Variants in NBEA observed in about 807,000 individuals in gnomAD.
The protein encoded by NBEA is neurobeachin.
A neutral mutation model predicts 343.4 loss-of-function variants in NBEA; 44 were observed. That is an observed-to-expected ratio of 0.13 (90% CI 0.10 to 0.16). NBEA has a LOEUF of 0.16. Among genes scored for constraint, NBEA ranks in the 10% least tolerant of loss-of-function variants. NBEA has a pLI of 1.00. For synonymous variants in NBEA, 1,175 were observed against 1,238.7 expected (o/e 0.95, Z 1.08); for missense variants, 2,555 against 3,631.3 (o/e 0.70, Z 7.62).
At chr13:35,277,285 C>T (rs201762605) in intron 34 of NBEA, among the ~76,000 whole-genome samples, 5 of 152,032 alleles carry the variant, frequency 3.3e-5, no homozygotes, top group African/African-American at 1.2e-4. Flanking sequence ...GAAGTAAAGA[C>T]ATCAGAGAGC....
intron 38 of NBEA, among the ~76,000 whole-genome samples, chr13:35,429,800 C>CGTGTGTGTGTGTGTGT (rs60362511): frequency 3.0e-3 from 418 of 140,260 alleles, no homozygotes; most frequent in Non-Finnish European, 3.9e-3. Context: ...GAGTCCCCAA[C>CGTGTGTGTGTGTGTGT]GTGTGTGTGT....
chr13:35,242,506 TA>T, intron 34 of NBEA, among the ~76,000 whole-genome samples: 1 of 151,960 alleles, frequency 6.6e-6, no homozygotes, highest in East Asian at 1.9e-4. Flanking sequence ...GAATAATGGC[TA>T]AAAAACTTCT....
chr13:35,115,237 A>G (rs888718075), intron 13 of NBEA, among the ~76,000 whole-genome samples: 1 of 152,124 alleles, frequency 6.6e-6, no homozygotes, highest in Non-Finnish European at 1.5e-5. Flanking sequence ...GAGCTTACTC[A>G]TGCATACATA....
intron 34 of NBEA, among the ~76,000 whole-genome samples, chr13:35,279,719 T>C (rs1274360890): frequency 6.6e-6 from 1 of 152,188 alleles, no homozygotes; most frequent in Non-Finnish European, 1.5e-5. Flanking sequence ...CATGTCAACT[T>C]TGACCATCAG....
intron 38 of NBEA, among the ~76,000 whole-genome samples, chr13:35,361,807 A>G (rs1247436960): frequency 1.3e-5 from 2 of 152,066 alleles, no homozygotes; most frequent in Non-Finnish European, 2.9e-5. Context: ...AAATATTGTA[A>G]TTAAGAAAAG....
rs2070629305 is a variant in NBEA, at chr13:35,173,450, G to A, written c.4424-14G>A. ...CAATTTATATTAACAATATGTTTTT[G>A]AATTTTTAAATAGTTTGTTGTGTTG... On this transcript the variant is annotated splice_polypyrimidine_tract_variant and intron_variant, in intron 26 of 58. Transcript: ENST00000379939. 6 of 1,568,064 alleles carry A rather than the reference G, an allele frequency of 3.8e-6. No homozygotes were observed. In the South Asian group the frequency reaches 7.2e-5, roughly 19 times the overall value.
intron 35 of NBEA, among the ~76,000 whole-genome samples, chr13:35,292,349 CA>C (rs915937726): frequency 1.3e-5 from 2 of 151,942 alleles, no homozygotes; most frequent in Admixed American, 1.3e-4. Flanking sequence ...ATCCTATTTT[CA>C]TCCATTAACA....
chr13:35,384,655 A>G (rs1435285827), intron 38 of NBEA, among the ~76,000 whole-genome samples: 1 of 149,882 alleles, frequency 6.7e-6, no homozygotes, highest in Non-Finnish European at 1.5e-5. Flanking sequence ...CCTCCTGAGT[A>G]GCTAGAATTA....
intron 41 of NBEA, among the ~76,000 whole-genome samples, chr13:35,548,830 T>G (rs1374299709): frequency 6.6e-6 from 1 of 152,188 alleles, no homozygotes; most frequent in Non-Finnish European, 1.5e-5. Context: ...CAAGTCACTA[T>G]AACCCTTTTG....
At chr13:35,613,829 G>A (rs2082623700) in intron 48 of NBEA, among the ~76,000 whole-genome samples, 1 of 152,020 alleles carries the variant, frequency 6.6e-6, no homozygotes, top group African/African-American at 2.4e-5. Context: ...TTGAACTCTT[G>A]GGCTCAAGTA....
chr13:35,017,104 C>G (rs995677549), intron 1 of NBEA, among the ~76,000 whole-genome samples: 1 of 151,912 alleles, frequency 6.6e-6, no homozygotes, highest in Non-Finnish European at 1.5e-5. Context: ...CTAAAAAGAT[C>G]ATCTGCCGCA....
intron 1 of NBEA, among the ~76,000 whole-genome samples, chr13:35,014,627 C>T (rs1471955074): frequency 2.0e-5 from 3 of 152,004 alleles, no homozygotes; most frequent in African/African-American, 7.2e-5. Flanking sequence ...TCTACTGGGA[C>T]CAGGGCAAGC....
chr13:35,030,440 G>A lies in NBEA; in HGVS notation c.295-10493G>A, dbSNP rs567238738. 2.0e-5 allele frequency among the ~76,000 whole-genome samples: 3 copies of A among 151,502 alleles called. No individual in the cohort carries two copies. In the East Asian group the frequency reaches 5.8e-4, roughly 29 times the overall value. On this transcript the variant is annotated intron_variant, in intron 1 of 58. Coordinates refer to ENST00000379939, the MANE Select transcript of NBEA (RefSeq NM_001385012.1). ...CATAGCAAGTGATTAAGTGCATTTT[G>A]TAGTCTATATTAGGATCCTGGATCT...
At chr13:35,061,829 A>G (rs1414050016) in intron 8 of NBEA, among the ~76,000 whole-genome samples, 1 of 151,708 alleles carries the variant, frequency 6.6e-6, no homozygotes, top group Non-Finnish European at 1.5e-5. Context: ...GATAACATCT[A>G]TAGGGTTATG....
At chr13:35,184,199 T>C (rs1295358777) in intron 30 of NBEA, 128 bp downstream of exon 30, 1 of 603,918 alleles carries the variant, frequency 1.7e-6, no homozygotes, top group Non-Finnish European at 2.7e-6. Flanking sequence ...ATATGATATG[T>C]TGTATTTATA....
chr13:35,120,671 T>TATTGTTATTTAGTAATAATGTATATTAC (rs1566316792), intron 16 of NBEA, among the ~76,000 whole-genome samples: 2 of 149,068 alleles, frequency 1.3e-5, no homozygotes, highest in African/African-American at 5.1e-5. Flanking sequence ...TAATTGGGCT[T>TATTGTTATTTAGTAATAATGTATATTAC]AAGGAAGCCC....
chr13:35,587,707 A>T (rs1253746346), intron 46 of NBEA, among the ~76,000 whole-genome samples: 1 of 152,200 alleles, frequency 6.6e-6, no homozygotes, highest in Non-Finnish European at 1.5e-5. Flanking sequence ...ACTTGTTATG[A>T]ACAGCCTAAG....
Position 34,942,708 on chromosome 13 carries a change from T to G in NBEA, c.-113T>G. 4.9e-4 allele frequency: 365 copies of G among 745,548 alleles called. No homozygotes were observed. Among genetic ancestry groups the G allele is most frequent in the East Asian group, 1.6e-3 (40 of 25,648 alleles). The allele number at this position is 745,548 out of a possible 1,614,324, so 46.2% of individuals were successfully genotyped here. A position where few individuals can be genotyped will look rare whatever the true frequency, so the allele number is the denominator to read the frequency against. ...GGGAGCGGGCCCGGCGCCGCGGCGC[T>G]GGTGGATGCTGGGGCTCCGAGGCGA... On this transcript the variant is annotated 5_prime_UTR_variant, in exon 1 of 59. Transcript: ENST00000379939.
chr13:35,251,452 T>C lies in NBEA; in HGVS notation c.5776+18833T>C, dbSNP rs188134068. The C allele has an allele frequency of 1.5e-3, 1,570 of 1,058,030 alleles. 2 individuals carry two copies. Among genetic ancestry groups the C allele is most frequent in the Admixed American group, 3.0e-3 (61 of 20,408 alleles). 65.5% of individuals were successfully genotyped at this position (1,058,030 alleles called of 1,614,324 possible). A position where few individuals can be genotyped will look rare whatever the true frequency, so the allele number is the denominator to read the frequency against. ...GCTCACTTTGATGCTGGAGAACTTATCACTCAGAGAGAGCTGTTCCCCAAG... is the reference window on the plus strand; with the variant it reads ...GCTCACTTTGATGCTGGAGAACTTACCACTCAGAGAGAGCTGTTCCCCAAG... On this transcript the variant is annotated intron_variant, in intron 34 of 58. Transcript: ENST00000379939.
Sources: gnomAD v4.1 joint callset for allele counts (sites outside exome capture counted in the v4.1 genomes callset) on GRCh38, gnomAD v4.1.1 for gene constraint, MANE v1.5 for transcripts, NCBI Gene and HGNC (gene_info 2026-07-23, HGNC 2026-07-21) for gene names.